Variants in PCDHGA7 observed in about 807,000 individuals in gnomAD.
PCDHGA7 encodes protocadherin gamma-A7.
PCDHGA7 carries 44 observed loss-of-function variants against 58.3 expected under a neutral mutation model. That is an observed-to-expected ratio of 0.75 (90% CI 0.59 to 0.97). The LOEUF (loss-of-function observed/expected upper bound fraction) is 0.97, where lower values mean the gene tolerates loss of function less well. Among genes scored for constraint, PCDHGA7 ranks in the 50% least tolerant of loss-of-function variants. The pLI, the probability that PCDHGA7 is intolerant of heterozygous loss-of-function variation, is 0.00. For missense variants in PCDHGA7, 1,266 were observed against 1,188.7 expected, an observed-to-expected ratio of 1.06 and a Z score of -0.96; for synonymous variants, 516 against 504.2, an observed-to-expected ratio of 1.02 and a Z score of -0.31.
chr5:141,477,752 G>C lies in PCDHGA7; in HGVS notation c.2425-17055G>C. On this transcript the variant is annotated intron_variant, in intron 1 of 3. Coordinates refer to ENST00000518325, the MANE Select transcript of PCDHGA7 (RefSeq NM_018920.4). This position sits in a 1 kb window ranked among gnomAD's most constrained non-coding sequence, Gnocchi z 4.9. ...TCATATCAGCGATGGGGGCACCCCG[G>C]TCCTAGCCACCAACATCAGCGTGAA... The C allele has an allele frequency of 6.2e-7, 1 of 1,613,868 alleles. No homozygotes were observed.
chr5:141,443,699 A>G (rs1433844997), intron 1 of PCDHGA7, among the ~76,000 whole-genome samples: 1 of 152,248 alleles, frequency 6.6e-6, no homozygotes, highest in African/African-American at 2.4e-5. Flanking sequence ...AAAATTATAG[A>G]ATAACATTTG....
intron 1 of PCDHGA7, chr5:141,409,411 AC>A (rs1172458730): frequency 6.2e-7 from 1 of 1,614,004 alleles, no homozygotes; most frequent in African/African-American, 1.3e-5. Flanking sequence ...ACTACTACAA[AC>A]TGGTGACAGA....
chr5:141,440,793 C>T (rs1448130354), intron 1 of PCDHGA7: 1 of 152,124 alleles, frequency 6.6e-6, no homozygotes, highest in Non-Finnish European at 1.5e-5. Context: ...TAGACGGCCC[C>T]CCAACAAAGC....
At chr5:141,421,434 C>T (rs1247535353) in intron 1 of PCDHGA7, 1 of 1,613,980 alleles carries the variant, frequency 6.2e-7, no homozygotes, top group Non-Finnish European at 8.5e-7. Context: ...GCATCGTCTC[C>T]AGAGGGAAGA....
Position 141,383,949 on chromosome 5 carries a change from G to A in PCDHGA7, c.1050G>A (p.Thr350=), listed in dbSNP as rs538018556. The A allele has an allele frequency of 1.1e-5, 18 of 1,613,702 alleles. No homozygotes were observed. Among genetic ancestry groups the A allele is most frequent in the Non-Finnish European group, 1.3e-5 (15 of 1,179,696 alleles). Reference sequence around the variant, plus strand: ...ATAATGCTCCAGAAGTGACTATGACGTCTTTAAGTAGCTCAATCCCTGAAG... The same window carrying A: ...ATAATGCTCCAGAAGTGACTATGACATCTTTAAGTAGCTCAATCCCTGAAG... ...VNDNAPEVTM[T]SLSSSIPEDT... is the part of the protein sequence containing the mutation. The change falls in exon 1 of 4, where the codon ACG becomes ACA. Residue 350 remains threonine (T), a synonymous_variant. Coordinates refer to ENST00000518325, the MANE Select transcript of PCDHGA7 (RefSeq NM_018920.4).
chr5:141,480,102 T>C (rs568342271), intron 1 of PCDHGA7, among the ~76,000 whole-genome samples: 1 of 152,320 alleles, frequency 6.6e-6, no homozygotes, highest in South Asian at 2.1e-4. Flanking sequence ...GCAAAGTGTT[T>C]AGCATGGTGC....
rs1247382831 is a variant in PCDHGA7 at position 141,388,673 on chromosome 5, G to A, written c.2424+3350G>A. On this transcript the variant is annotated intron_variant, in intron 1 of 3. Transcript: ENST00000518325. ...TGTACCCGGGGACCACGGTGCTACA[G>A]GTGACTGCCACGGACCAGGATGAGG... The A allele has an allele frequency of 2.5e-6, 4 of 1,613,942 alleles. No homozygotes were observed. In the South Asian group the frequency reaches 3.3e-5, roughly 13 times the overall value.
rs759819103 is a variant in PCDHGA7, at chr5:141,398,546, T to A, written c.2424+13223T>A. On this transcript the variant is annotated intron_variant, in intron 1 of 3. Transcript: ENST00000518325. ...AAATTCACGCAAAATTCCTTTGAGC[T>A]GCAAATAAGTGAGTCTGCACAGCCT... 3.1e-6 allele frequency: 5 copies of A among 1,613,902 alleles called. No homozygotes were observed. The East Asian group carries it at 1.1e-4, about 36-fold the overall frequency.
At chr5:141,410,192 T>G (rs748013890) in intron 1 of PCDHGA7, 1 of 1,613,980 alleles carries the variant, frequency 6.2e-7, no homozygotes, top group Non-Finnish European at 8.5e-7. Context: ...TCATCTGGTC[T>G]TCGCAGACAA....
chr5:141,424,055 C>A, intron 1 of PCDHGA7: 2 of 1,007,784 alleles, frequency 2.0e-6, no homozygotes, highest in Non-Finnish European at 1.2e-6. Context: ...TTTTGCTGTG[C>A]CTTCACTGAT....
At chr5:141,413,450 G>T (rs2095642221) in intron 1 of PCDHGA7, 1 of 1,614,148 alleles carries the variant, frequency 6.2e-7, no homozygotes, top group Non-Finnish European at 8.5e-7. Context: ...ATCACCGCGG[G>T]CAGGATAGAC....
chr5:141,492,425 C>T (rs1243599547), intron 1 of PCDHGA7, among the ~76,000 whole-genome samples: 1 of 152,254 alleles, frequency 6.6e-6, no homozygotes, highest in Non-Finnish European at 1.5e-5. Flanking sequence ...CTCCGCCGGG[C>T]TCAGGAGTAC....
At chr5:141,442,974 A>C (rs1444888648) in intron 1 of PCDHGA7, among the ~76,000 whole-genome samples, 1 of 152,176 alleles carries the variant, frequency 6.6e-6, no homozygotes, top group Non-Finnish European at 1.5e-5. Flanking sequence ...CTGGCTGATA[A>C]AGTTAGCCTA....
intron 1 of PCDHGA7, chr5:141,417,843 G>C: frequency 6.5e-7 from 1 of 1,539,250 alleles, no homozygotes; most frequent in Non-Finnish European, 8.8e-7. Context: ...GGGACCCAGC[G>C]AGAACCCGAG....
At chr5:141,408,202 G>C (rs778320550) in intron 1 of PCDHGA7, 8 of 1,549,950 alleles carry the variant, frequency 5.2e-6, no homozygotes, top group South Asian at 3.6e-5. Context: ...CCGAGCGAAC[G>C]ATGGGAGGGA....
At position 141,388,041 on chromosome 5, in the gene PCDHGA7, G is replaced by C. The variant is rs2091214564; in HGVS notation, c.2424+2718G>C. The C allele has an allele frequency of 2.1e-6, 3 of 1,416,086 alleles. No homozygotes were observed. The African/African-American group carries it at 4.3e-5, about 20-fold the overall frequency. The allele number at this position is 1,416,086 out of a possible 1,614,324, so 87.7% of individuals were successfully genotyped here. ...CTCCGTAGTGGGGAACCTCGCCACG[G>C]ACCTGGGGTTCAGCGTCCAGGAGTT... On this transcript the variant is annotated intron_variant, in intron 1 of 3. Transcript: ENST00000518325.
rs773903039 is a variant in PCDHGA7 at position 141,383,268 on chromosome 5, A to C, written c.369A>C (p.Ile123=). ...KMNLYPIDVE[I]IDINDNVPRF... ...ATCTTTACCCTATAGACGTGGAAAT[A>C]ATAGATATTAATGACAACGTTCCAA... The change falls in exon 1 of 4, where the codon ATA becomes ATC. Residue 123 remains isoleucine (I), a synonymous_variant. Transcript: ENST00000518325. 6.2e-7 allele frequency: 1 copy of C among 1,613,816 alleles called. No individual in the cohort carries two copies. Among genetic ancestry groups the C allele is most frequent in the Non-Finnish European group, 8.5e-7 (1 of 1,179,878 alleles).
Position 141,430,800 on chromosome 5 carries a change from T to C in PCDHGA7, c.2424+45477T>C, listed in dbSNP as rs770490590. 2.6e-6 allele frequency: 4 copies of C among 1,524,818 alleles called. No homozygotes were observed. In the South Asian group the frequency reaches 5.3e-5, roughly 20 times the overall value. 94.5% of individuals were successfully genotyped at this position (1,524,818 alleles called of 1,614,324 possible). A position where few individuals can be genotyped will look rare whatever the true frequency, so the allele number is the denominator to read the frequency against. ...CTGCACCGGGACTACAAAGGGCTTG[T>C]CCTGCTGGGAATCCTCCTGGGGACT... is the stretch of plus-strand genomic sequence containing the variant. On this transcript the variant is annotated intron_variant, in intron 1 of 3. Transcript: ENST00000518325.
At position 141,508,878 on chromosome 5, in the gene PCDHGA7, C is replaced by A. The variant is rs189735747; in HGVS notation, c.2573-2069C>A. The stretch of plus-strand genomic sequence containing the variant: ...GGCTGGGAAAGGCTGAAGAGGCTGA[C>A]GGCTGGAGGGGAGGGGGCGGGGCGG... On this transcript the variant is annotated intron_variant, in intron 3 of 3. Transcript: ENST00000518325. Among the ~76,000 whole-genome samples, 561 of 152,074 alleles carry A rather than the reference C, an allele frequency of 3.7e-3. 3 individuals carry two copies. The highest frequency in any genetic ancestry group is 0.012 in the African/African-American group (508 of 41,498).
Sources: gnomAD v4.1 joint callset for allele counts (sites outside exome capture counted in the v4.1 genomes callset) on GRCh38, gnomAD v4.1.1 for gene constraint, Gnocchi (gnomAD v3.1) non-coding constraint, MANE v1.5 for transcripts, NCBI Gene and HGNC (gene_info 2026-07-23, HGNC 2026-07-21) for gene names.